The following ASMTL variants were observed in gnomAD, a reference collection of about 807,000 sequenced individuals.
ASMTL encodes the protein probable bifunctional dTTP/UTP pyrophosphatase/methyltransferase protein.
ASMTL carries 57 observed loss-of-function variants against 60.3 expected under a neutral mutation model. That is an observed-to-expected ratio of 0.95 (90% confidence interval 0.76 to 1.18). The LOEUF (loss-of-function observed/expected upper bound fraction) is 1.18. Among genes scored for constraint, ASMTL ranks in the 50% most tolerant of loss-of-function variants. ASMTL has a pLI of 0.00. For synonymous variants in ASMTL, 419 were observed against 373.0 expected (o/e 1.12, Z -1.42); for missense variants, 981 against 852.6 (o/e 1.15, Z -1.88).
intron 8 of ASMTL, among the ~76,000 whole-genome samples, chrX:1,422,307 CA>C (rs1261012842): frequency 6.6e-6 from 1 of 152,180 alleles, no homozygotes; most frequent in Non-Finnish European, 1.5e-5. Context: ...ACCCCAGAAG[CA>C]AACATTGGGC....
At chrX:1,421,101 A>G (rs1215818378) in intron 9 of ASMTL, among the ~76,000 whole-genome samples, 45 of 152,044 alleles carry the variant, frequency 3.0e-4, no homozygotes, top group Middle Eastern at 3.4e-3. Context: ...CTGGGACTAC[A>G]GGCACGCGCC....
chrX:1,439,151 G>C lies in ASMTL; in HGVS notation c.226-7C>G. 6.2e-7 allele frequency: 1 copy of C among 1,614,008 alleles called. No individual in the cohort carries two copies. Among genetic ancestry groups the C allele is most frequent in the Non-Finnish European group, 8.5e-7 (1 of 1,179,844 alleles). On this transcript the variant is annotated splice_polypyrimidine_tract_variant and splice_region_variant and intron_variant, in intron 2 of 12. Coordinates refer to ENST00000381317, the MANE Select transcript of ASMTL (RefSeq NM_004192.4). ...CGGGGGCCCGCAGGTCTTTCTGTAA[G>C]AAAACCAGATTCCGGTTTACCGGTG...
At chrX:1,427,360 A>G (rs2090638602) in intron 7 of ASMTL, among the ~76,000 whole-genome samples, 1 of 152,036 alleles carries the variant, frequency 6.6e-6, no homozygotes, top group Non-Finnish European at 1.5e-5. Context: ...ACCTTGTTTT[A>G]AAAAGGGGTC....
chrX:1,443,757 C>A, intron 1 of ASMTL, among the ~76,000 whole-genome samples: 1 of 151,372 alleles, frequency 6.6e-6, no homozygotes, highest in Non-Finnish European at 1.5e-5. Flanking sequence ...TCATCGTGGA[C>A]ACACACTGCC....
At chrX:1,422,926 C>T (rs1356282168) in intron 8 of ASMTL, among the ~76,000 whole-genome samples, 1 of 151,996 alleles carries the variant, frequency 6.6e-6, no homozygotes, top group African/African-American at 2.4e-5. Flanking sequence ...AGCCTTTCTC[C>T]ATATTCATCA....
intron 11 of ASMTL, among the ~76,000 whole-genome samples, chrX:1,417,060 A>G (rs1482357288): frequency 6.6e-6 from 1 of 151,774 alleles, no homozygotes; most frequent in Non-Finnish European, 1.5e-5. Flanking sequence ...ATGCTCACAT[A>G]TCCACACAGA....
intron 6 of ASMTL, chrX:1,431,981 C>T (rs1196512620): frequency 4.2e-6 from 2 of 481,000 alleles, no homozygotes; most frequent in Non-Finnish European, 3.7e-6. Context: ...CCTCCTCCCA[C>T]CACGTGAACT....
At chrX:1,434,526 G>A (rs755139512) in intron 5 of ASMTL, among the ~76,000 whole-genome samples, 16 of 147,664 alleles carry the variant, frequency 1.1e-4, no homozygotes, top group African/African-American at 3.5e-4. Context: ...GAGAAAGGCC[G>A]GGTGCAGTAG....
chrX:1,410,669 C>T (rs1228569210), intron 12 of ASMTL, among the ~76,000 whole-genome samples: 1 of 151,946 alleles, frequency 6.6e-6, no homozygotes, highest in African/African-American at 2.4e-5. Context: ...GCTTTGGCCT[C>T]CCAAAGTGCT....
intron 9 of ASMTL, among the ~76,000 whole-genome samples, chrX:1,419,982 T>C (rs1569532579): frequency 2.0e-5 from 3 of 151,494 alleles, no homozygotes; most frequent in African/African-American, 4.9e-5. Flanking sequence ...GTCTTCCTCT[T>C]TCTCTCTCTC....
intron 11 of ASMTL, 121 bp from the exon 12 acceptor site, chrX:1,412,975 G>A (rs768094728): frequency 1.4e-5 from 15 of 1,098,388 alleles, no homozygotes; most frequent in East Asian, 7.1e-5. Context: ...GGGTGTGGGC[G>A]GGAATGGGTC....
intron 7 of ASMTL, among the ~76,000 whole-genome samples, chrX:1,426,629 G>C (rs1262854743): frequency 6.6e-6 from 1 of 152,142 alleles, no homozygotes; most frequent in Non-Finnish European, 1.5e-5. Flanking sequence ...GAGGCGGGTG[G>C]ATCAGCTGAG....
chrX:1,420,534 C>T (rs1481334845), intron 9 of ASMTL, among the ~76,000 whole-genome samples: 3 of 152,210 alleles, frequency 2.0e-5, no homozygotes, highest in Admixed American at 2.0e-4. Flanking sequence ...CATGAGGCCA[C>T]GGCCAGCCGA....
chrX:1,435,840 G>A, intron 3 of ASMTL, 82 bp from the exon 4 acceptor site: 1 of 1,211,100 alleles, frequency 8.3e-7, no homozygotes, highest in Non-Finnish European at 1.2e-6. Context: ...ATTCGCAGAA[G>A]TCACTTGTTT....
chrX:1,418,786 G>A (rs1194058341), intron 10 of ASMTL, 196 bp downstream of exon 10: 4 of 215,522 alleles, frequency 1.9e-5, no homozygotes, highest in African/African-American at 9.4e-5. Flanking sequence ...AGTTTCTAGG[G>A]GGGCATTTAG....
chrX:1,443,704 C>A (rs1458260841), intron 1 of ASMTL, among the ~76,000 whole-genome samples: 2 of 138,682 alleles, frequency 1.4e-5, no homozygotes, highest in Non-Finnish European at 3.2e-5. Context: ...CACACACTGC[C>A]ATCTTGGCCA....
intron 7 of ASMTL, 80 bp downstream of exon 7, chrX:1,427,654 G>C: frequency 6.9e-7 from 1 of 1,447,088 alleles, no homozygotes; most frequent in Admixed American, 1.9e-5. Context: ...CCAGGACAGT[G>C]AGAAGTAAAT....
rs866148322 is a variant in ASMTL at position 1,416,594 on chromosome X, C to T, written c.1522+1379G>A. Among the ~76,000 whole-genome samples, 109 of 115,750 alleles carry T rather than the reference C, an allele frequency of 9.4e-4. 1 individual carries two copies. The highest frequency in any genetic ancestry group is 3.1e-3 in the African/African-American group (93 of 29,854). 75.9% of individuals were successfully genotyped at this position (115,750 alleles called of 152,430 possible). A position where few individuals can be genotyped will look rare whatever the true frequency, so the allele number is the denominator to read the frequency against. On this transcript the variant is annotated intron_variant, in intron 11 of 12. Coordinates refer to ENST00000381317, the MANE Select transcript of ASMTL (RefSeq NM_004192.4). ...ACAGACGCAGACACACAGACATACA[C>T]ACATATACCCACACAGACGCACAGA... is the stretch of plus-strand genomic sequence containing the variant.
chrX:1,420,114 C>T (rs1166080706), intron 9 of ASMTL, among the ~76,000 whole-genome samples: 1 of 151,680 alleles, frequency 6.6e-6, no homozygotes, highest in African/African-American at 2.4e-5. Context: ...GTCTCTGTCT[C>T]CCATCTCCCT....
Sources: gnomAD v4.1 joint callset for allele counts (sites outside exome capture counted in the v4.1 genomes callset) on GRCh38, gnomAD v4.1.1 for gene constraint, MANE v1.5 for transcripts, NCBI Gene and HGNC (gene_info 2026-07-23, HGNC 2026-07-21) for gene names.